PSMD14: variants seen among roughly 807,000 people sequenced by gnomAD.
The protein encoded by PSMD14 is proteasome 26S subunit, non-ATPase 14, also known as ubiquitin C-terminal hydrolase PSMD14.
PSMD14 carries 7 observed loss-of-function variants against 41.2 expected under a neutral mutation model. That is an observed-to-expected ratio of 0.17 (90% CI 0.10 to 0.32). PSMD14 has a LOEUF of 0.32. Among genes scored for constraint, PSMD14 ranks in the 10% least tolerant of loss-of-function variants. The probability of loss-of-function intolerance (pLI) is 1.00; values close to 1 mark genes in which losing one functional copy is unlikely to be tolerated. For missense variants in PSMD14, 139 were observed against 375.6 expected (o/e 0.37, Z 5.21); for synonymous variants, 114 against 122.3 (o/e 0.93, Z 0.45).
chr2:161,411,325 A>T lies in PSMD14; in HGVS notation c.858A>T (p.Glu286Asp). 1 of 1,608,564 alleles carries T rather than the reference A, an allele frequency of 6.2e-7. No homozygotes were observed. The highest frequency in any genetic ancestry group is 8.5e-7 in the Non-Finnish European group (1 of 1,177,164). The part of the protein sequence containing the change: ...GKQDPKRHLE[E>D]HVDVLMTSNI... ...AGGACCCCAAACGTCATTTGGAGGA[A>T]CATGTGGATGTACTTATGACCTCAA... is the stretch of plus-strand genomic sequence containing the variant. The change falls in exon 12 of 12, where the codon GAA becomes GAT. Residue 286 changes from glutamate (E) to aspartate (D), a missense_variant. Around this residue, in one of 4 missense-constraint regions of PSMD14, gnomAD observed 80 missense variants for 138.1 expected, o/e 0.58. Coordinates refer to ENST00000409682, the MANE Select transcript of PSMD14 (RefSeq NM_005805.6).
intron 7 of PSMD14, among the ~76,000 whole-genome samples, chr2:161,372,867 T>C (rs1465783254): frequency 2.0e-5 from 3 of 151,928 alleles, no homozygotes; most frequent in Non-Finnish European, 4.4e-5. Flanking sequence ...AATTAAAGCT[T>C]AATTTTAAAT....
chr2:161,391,074 T>G (rs1389474551), intron 8 of PSMD14, 30 bp from the exon 9 acceptor site: 1 of 1,431,124 alleles, frequency 7.0e-7, no homozygotes, highest in Non-Finnish European at 9.2e-7. Flanking sequence ...AATATTAATT[T>G]GTCCTTTTTA....
At chr2:161,317,841 A>T (rs1689162257) in intron 2 of PSMD14, among the ~76,000 whole-genome samples, 1 of 152,208 alleles carries the variant, frequency 6.6e-6, no homozygotes, top group South Asian at 2.1e-4. Context: ...TCTTAAGCAT[A>T]CACTTAGGAA....
chr2:161,395,005 GT>G (rs1206760649), intron 9 of PSMD14, 72 bp from the exon 10 acceptor site: 10 of 1,214,654 alleles, frequency 8.2e-6, no homozygotes, highest in African/African-American at 4.8e-5. Flanking sequence ...TTTTTTTGAA[GT>G]TTTTTTTCTC....
At chr2:161,369,958 A>G in intron 5 of PSMD14, 149 bp from the exon 6 acceptor site, 1 of 557,950 alleles carries the variant, frequency 1.8e-6, no homozygotes, top group South Asian at 2.3e-5. Context: ...CTTGATTGGT[A>G]TGAGGTTTAT....
chr2:161,318,877 A>C lies in PSMD14; in HGVS notation c.48+4A>C. 1 of 1,610,410 alleles carries C rather than the reference A, an allele frequency of 6.2e-7. No individual in the cohort carries two copies. The highest frequency in any genetic ancestry group is 8.5e-7 in the Non-Finnish European group (1 of 1,177,046). The stretch of plus-strand genomic sequence containing the variant: ...AGGTATGCCTGGACTGGGCCAGGTT[A>C]GTATATAGTCTCTTGAGCATTTCCT... On this transcript the variant is annotated splice_donor_region_variant and intron_variant, in intron 3 of 11. Coordinates refer to ENST00000409682, the MANE Select transcript of PSMD14 (RefSeq NM_005805.6).
chr2:161,335,543 T>C (rs764208065), intron 3 of PSMD14, among the ~76,000 whole-genome samples: 2 of 152,258 alleles, frequency 1.3e-5, no homozygotes, highest in Non-Finnish European at 2.9e-5. Flanking sequence ...TCCATAGATA[T>C]AAAGCTGCAT....
chr2:161,340,859 C>T, intron 3 of PSMD14: 1 of 1,613,950 alleles, frequency 6.2e-7, no homozygotes, highest in Non-Finnish European at 8.5e-7. Flanking sequence ...CTTTGGTCAT[C>T]ATCTTCTCGT....
At chr2:161,393,016 C>T (rs959792508) in intron 9 of PSMD14, among the ~76,000 whole-genome samples, 1 of 152,090 alleles carries the variant, frequency 6.6e-6, no homozygotes, top group Non-Finnish European at 1.5e-5. Flanking sequence ...ACATAAATTA[C>T]TTAATGTTAT....
chr2:161,367,496 C>T lies in PSMD14; in HGVS notation c.67C>T (p.Pro23Ser). 6.3e-7 allele frequency: 1 copy of T among 1,598,686 alleles called. No individual in the cohort carries two copies. The highest frequency in any genetic ancestry group is 8.5e-7 in the Non-Finnish European group (1 of 1,171,718). ...TTTCTAGGGGCCACCTACAGATGCT[C>T]CTGCAGTGGACACAGCAGAACAAGT... ...GLGQGPPTDA[P>S]AVDTAEQVYI... is the part of the protein sequence containing the mutation. Residue 23 changes from proline (P) to serine (S), a missense_variant, in exon 4 of 12, where the codon CCT becomes TCT. Pro to Ser is a moderately conservative substitution (Grantham distance 74). Transcript: ENST00000409682.
At chr2:161,363,059 A>G (rs1683311287) in intron 3 of PSMD14, among the ~76,000 whole-genome samples, 1 of 152,174 alleles carries the variant, frequency 6.6e-6, no homozygotes, top group Non-Finnish European at 1.5e-5. Context: ...AGCAGCAGGC[A>G]AGTGAGCATT....
intron 3 of PSMD14, among the ~76,000 whole-genome samples, chr2:161,330,174 T>C (rs1461865520): frequency 6.6e-6 from 1 of 152,180 alleles, no homozygotes; most frequent in East Asian, 1.9e-4. Flanking sequence ...TCCTTCAAAT[T>C]AGTGACATTC....
At chr2:161,341,315 C>T (rs1299201150) in intron 3 of PSMD14, 3 of 1,018,362 alleles carry the variant, frequency 2.9e-6, no homozygotes, top group East Asian at 8.8e-5. Context: ...GCAGCTCGGC[C>T]GGCGCCTCCA....
intron 8 of PSMD14, among the ~76,000 whole-genome samples, chr2:161,386,921 A>G (rs1460707475): frequency 1.3e-5 from 2 of 151,970 alleles, no homozygotes; most frequent in East Asian, 3.9e-4. Context: ...ATCAATATTA[A>G]TAACGTGTTT....
chr2:161,354,997 A>G (rs1451544637), intron 3 of PSMD14, among the ~76,000 whole-genome samples: 3 of 152,240 alleles, frequency 2.0e-5, no homozygotes, highest in Non-Finnish European at 4.4e-5. Context: ...AACTTTTCAG[A>G]GAGGCAGGAA....
At chr2:161,345,269 G>T (rs561843618) in intron 3 of PSMD14, among the ~76,000 whole-genome samples, 91 of 112,882 alleles carry the variant, frequency 8.1e-4, no homozygotes, top group African/African-American at 3.0e-3. Context: ...TTGAGACAGG[G>T]TCTTGCTCTG....
intron 3 of PSMD14, among the ~76,000 whole-genome samples, chr2:161,341,871 T>A (rs796905539): frequency 0.026 from 2,709 of 105,700 alleles, 46 homozygotes; most frequent in African/African-American, 0.06. Flanking sequence ...TTAAAAAAAA[T>A]ATATATGTAT....
intron 9 of PSMD14, 101 bp downstream of exon 9, chr2:161,391,279 C>T: frequency 8.6e-7 from 1 of 1,165,458 alleles, no homozygotes; most frequent in South Asian, 2.3e-5. Context: ...TGACCTCTTT[C>T]AGTGTTTCCA....
intron 10 of PSMD14, among the ~76,000 whole-genome samples, chr2:161,403,869 A>T (rs1038125646): frequency 1.5e-4 from 23 of 151,746 alleles, no homozygotes; most frequent in African/African-American, 5.6e-4. Context: ...CTCCTTCTTT[A>T]TATGCCAGTA....
Sources: allele counts gnomAD v4.1 joint callset (sites outside exome capture counted in the v4.1 genomes callset), GRCh38; gene constraint gnomAD v4.1.1; regional missense constraint gnomAD v4.1.1; transcripts MANE v1.5; gene names NCBI Gene and HGNC (gene_info 2026-07-23, HGNC 2026-07-21).